The following QSER1 variants were observed in gnomAD, a reference collection of about 807,000 sequenced individuals.
QSER1 encodes glutamine and serine-rich protein 1.
QSER1 carries 49 observed loss-of-function variants against 158.5 expected under a neutral mutation model. The observed-to-expected ratio is 0.31, with a 90% confidence interval of 0.25 to 0.39. The LOEUF is 0.39. QSER1 is among the 10% of genes least tolerant of loss of function. The pLI, the probability that QSER1 is intolerant of heterozygous loss-of-function variation, is 1.00. For synonymous variants in QSER1, 650 were observed against 715.5 expected, an observed-to-expected ratio of 0.91 and a Z score of 1.46; for missense variants, 1,754 against 2,010.3, an observed-to-expected ratio of 0.87 and a Z score of 2.44.
intron 4 of QSER1, among the ~76,000 whole-genome samples, chr11:32,946,634 G>A: frequency 6.6e-6 from 1 of 152,210 alleles, no homozygotes; most frequent in Admixed American, 6.5e-5. Context: ...TCTCTTCAAA[G>A]CTGTCAGACA....
chr11:32,962,772 T>G (rs1424214740), intron 8 of QSER1, among the ~76,000 whole-genome samples: 1 of 152,218 alleles, frequency 6.6e-6, no homozygotes, highest in African/African-American at 2.4e-5. Context: ...TGTCCAGAAC[T>G]CTAATTTTCA....
chr11:32,935,249 C>A lies in QSER1; in HGVS notation c.3991C>A (p.Pro1331Thr). 1 of 1,613,936 alleles carries A rather than the reference C, an allele frequency of 6.2e-7. No individual in the cohort carries two copies. The highest frequency in any genetic ancestry group is 8.5e-7 in the Non-Finnish European group (1 of 1,179,952). Residue 1331 changes from proline (P) to threonine (T), a missense_variant, in exon 4 of 13, where the codon CCT becomes ACT. By Grantham distance (38) the Pro-to-Thr change is conservative (BLOSUM62 -1). Coordinates refer to ENST00000650167, the MANE Select transcript of QSER1 (RefSeq NM_001076786.3). ...CAAGCCTTCATCTACAACACCCACACCTTTAGTGTCTGAAACTGGCGGTAA... is the reference window on the plus strand; with the variant it reads ...CAAGCCTTCATCTACAACACCCACAACTTTAGTGTCTGAAACTGGCGGTAA... The part of the protein sequence containing the change: ...LPKPSSTTPT[P>T]LVSETGGNSP...
chr11:32,898,058 T>G (rs1851577792), intron 1 of QSER1, among the ~76,000 whole-genome samples: 1 of 152,234 alleles, frequency 6.6e-6, no homozygotes, highest in Non-Finnish European at 1.5e-5. Context: ...TTTTCTTTCC[T>G]CTCTTCAATT....
At chr11:32,942,455 A>G (rs1179891248) in intron 4 of QSER1, among the ~76,000 whole-genome samples, 1 of 148,002 alleles carries the variant, frequency 6.8e-6, no homozygotes, top group Admixed American at 6.8e-5. Flanking sequence ...ACATATGGCT[A>G]GCCAGTTTTC....
chr11:32,915,343 G>C (rs180701532), intron 1 of QSER1, among the ~76,000 whole-genome samples: 157 of 152,266 alleles, frequency 1.0e-3, no homozygotes, highest in Non-Finnish European at 1.6e-3. Flanking sequence ...GTGGGGAGGA[G>C]ATAGAAGATT....
chr11:32,935,435 G>T lies in QSER1; in HGVS notation c.4177G>T (p.Glu1393Ter). The T allele has an allele frequency of 2.7e-6, 4 of 1,481,356 alleles. No homozygotes were observed. Among genetic ancestry groups the T allele is most frequent in the East Asian group, 2.3e-5 (1 of 43,040 alleles). 91.8% of individuals were successfully genotyped at this position (1,481,356 alleles called of 1,614,324 possible). Residue 1393 changes from glutamate to a stop codon, truncating the protein, a stop_gained and splice_region_variant, in exon 4 of 13, where the codon GAA (glutamate) becomes TAA (stop). Transcript: ENST00000650167. LOFTEE classifies it high-confidence loss of function. ...TACTTCTGATAAAAAGAAGAAAACA[G>T]GTAAAGTTTTACAATTTAGATTCAT... ...DATSDKKKKT[E>*]ALQVATTSPT... is the part of the protein sequence containing the mutation.
chr11:32,928,250 T>G (rs776294436), intron 3 of QSER1, 127 bp downstream of exon 3: 6 of 632,534 alleles, frequency 9.5e-6, no homozygotes, highest in Non-Finnish European at 1.6e-5. Context: ...CTTTAAGACC[T>G]GGAATTTTTC....
intron 1 of QSER1, among the ~76,000 whole-genome samples, chr11:32,917,006 C>T (rs938010721): frequency 8.5e-5 from 13 of 152,304 alleles, no homozygotes; most frequent in Middle Eastern, 3.4e-3. Context: ...AGGCTGGTCT[C>T]GAACTCCTGA....
intron 1 of QSER1, among the ~76,000 whole-genome samples, chr11:32,917,831 A>AC (rs1177766340): frequency 6.6e-6 from 1 of 151,356 alleles, no homozygotes; most frequent in Admixed American, 6.6e-5. Flanking sequence ...CAAAAAAAAA[A>AC]AAAAAAAAAA....
chr11:32,966,223 G>C (rs1852744058), intron 8 of QSER1, 77 bp from the exon 9 acceptor site: 4 of 1,465,396 alleles, frequency 2.7e-6, no homozygotes, highest in African/African-American at 1.4e-5. Flanking sequence ...TCTGCTTCTA[G>C]GGTCTCGTTA....
At chr11:32,942,637 C>A (rs1228412546) in intron 4 of QSER1, among the ~76,000 whole-genome samples, 1 of 152,136 alleles carries the variant, frequency 6.6e-6, no homozygotes, top group Non-Finnish European at 1.5e-5. Context: ...TTCCTGTAGC[C>A]TTGTAGTATA....
chr11:32,900,628 C>G (rs543357828), intron 1 of QSER1, among the ~76,000 whole-genome samples: 34 of 152,240 alleles, frequency 2.2e-4, no homozygotes, highest in Admixed American at 7.2e-4. Context: ...CAGCTAATTT[C>G]TCCAACCTCA....
rs921658726 is a variant in QSER1 at position 32,979,739 on chromosome 11, T to C, written c.*3265T>C. 3.3e-5 allele frequency: 5 copies of C among 152,230 alleles called. No homozygotes were observed. The highest frequency in any genetic ancestry group is 1.2e-4 in the African/African-American group (5 of 41,454). 9.4% of individuals were successfully genotyped at this position (152,230 alleles called of 1,614,324 possible). On this transcript the variant is annotated 3_prime_UTR_variant, in exon 13 of 13. Transcript: ENST00000650167. Reference sequence around the variant, plus strand: ...TTAAAGTGTGATTTTCCTTTTAATATACATATTTATTTTCTTTAAAGCAGC... The same window carrying C: ...TTAAAGTGTGATTTTCCTTTTAATACACATATTTATTTTCTTTAAAGCAGC...
chr11:32,916,689 C>G (rs1257840102), intron 1 of QSER1, among the ~76,000 whole-genome samples: 4 of 152,064 alleles, frequency 2.6e-5, no homozygotes, highest in African/African-American at 9.7e-5. Context: ...ATCTAAACAC[C>G]CCTAAACATG....
At chr11:32,923,705 C>A (rs886087847) in intron 1 of QSER1, among the ~76,000 whole-genome samples, 1 of 150,270 alleles carries the variant, frequency 6.7e-6, no homozygotes. Flanking sequence ...CACGGTGGCT[C>A]ACACCTGTAA....
intron 1 of QSER1, among the ~76,000 whole-genome samples, chr11:32,922,191 C>A (rs749617150): frequency 1.3e-5 from 2 of 152,088 alleles, no homozygotes; most frequent in Non-Finnish European, 2.9e-5. Flanking sequence ...GCAAAGATTT[C>A]TTAGGTACAC....
At chr11:32,903,835 C>G (rs1302309880) in intron 1 of QSER1, among the ~76,000 whole-genome samples, 1 of 152,160 alleles carries the variant, frequency 6.6e-6, no homozygotes, top group Non-Finnish European at 1.5e-5. Flanking sequence ...TGGTCTGGAA[C>G]TCCTGACCTC....
At chr11:32,950,404 A>C (rs1033353226) in intron 4 of QSER1, among the ~76,000 whole-genome samples, 1 of 151,856 alleles carries the variant, frequency 6.6e-6, no homozygotes, top group Admixed American at 6.6e-5. Context: ...TGGCTTTCCC[A>C]TTTTTATTTA....
chr11:32,928,129 T>A lies in QSER1; in HGVS notation c.484+6T>A. 6.3e-7 allele frequency: 1 copy of A among 1,583,132 alleles called. No individual in the cohort carries two copies. The highest frequency in any genetic ancestry group is 1.3e-5 in the African/African-American group (1 of 74,396). On this transcript the variant is annotated splice_donor_region_variant and intron_variant, in intron 3 of 12. Coordinates refer to ENST00000650167, the MANE Select transcript of QSER1 (RefSeq NM_001076786.3). ...GGCTCCATCCTGGCAGACAGGTGAT[T>A]TTCTGTTTCTAGAATTTTTAAGTCC...
Sources: gnomAD v4.1 joint callset for allele counts (sites outside exome capture counted in the v4.1 genomes callset) on GRCh38, gnomAD v4.1.1 for gene constraint, MANE v1.5 for transcripts, NCBI Gene and HGNC (gene_info 2026-07-23, HGNC 2026-07-21) for gene names.